KMT2C: variants seen among roughly 807,000 people sequenced by gnomAD.
KMT2C encodes the protein lysine methyltransferase 2C, also known as histone-lysine N-methyltransferase 2C.
Under a neutral mutation model 507.9 loss-of-function variants are expected in KMT2C, and 88 were observed. The observed-to-expected ratio is 0.17, with a 90% CI of 0.15 to 0.21. The LOEUF (loss-of-function observed/expected upper bound fraction) is 0.21. KMT2C is among the 10% of genes least tolerant of loss of function. KMT2C has a pLI of 1.00. For synonymous variants in KMT2C, 2,049 were observed against 2,080.8 expected, an observed-to-expected ratio of 0.98 and a Z score of 0.42; for missense variants, 4,954 against 5,957.8, an observed-to-expected ratio of 0.83 and a Z score of 5.55.
chr7:152,292,330 G>GCA lies in KMT2C; in HGVS notation c.849+17634_849+17635dup, dbSNP rs1276544601. 3.7e-3 allele frequency among the ~76,000 whole-genome samples: 547 copies of GCA among 149,530 alleles called. 2 individuals carry two copies. The highest frequency in any genetic ancestry group is 8.8e-3 in the African/African-American group (361 of 40,842). ...GATGCCAGGGCAATATGTGTGGCGC[G>GCA]CACACACACACACACATACTGACAA... is the stretch of plus-strand genomic sequence containing the variant. On this transcript the variant is annotated intron_variant, in intron 6 of 58. Transcript: ENST00000262189.
Position 152,435,685 on chromosome 7 carries a change from T to G in KMT2C, c.102A>C (p.Lys34Asn). The change falls in exon 1 of 59, where the codon AAA becomes AAC. Residue 34 changes from lysine to asparagine, a missense_variant. Around this residue, in one of 29 missense-constraint regions of KMT2C, gnomAD observed 5 missense variants for 22.4 expected, o/e 0.22. Coordinates refer to ENST00000262189, the MANE Select transcript of KMT2C (RefSeq NM_170606.3). Reference protein sequence around the residue: ...APAPSPAAADKRPRGRPRKDG... With the variant: ...APAPSPAAADNRPRGRPRKDG... ...CTTTGCGAGGCCGGCCCCGAGGTCT[T>G]TTGTCTGCGGCTGCGGGGCTCGGGG... 4 of 1,544,066 alleles carry G rather than the reference T, an allele frequency of 2.6e-6. No individual in the cohort carries two copies. Among genetic ancestry groups the G allele is most frequent in the Non-Finnish European group, 3.5e-6 (4 of 1,144,266 alleles).
intron 2 of KMT2C, among the ~76,000 whole-genome samples, chr7:152,352,379 G>A (rs538532389): frequency 2.6e-4 from 40 of 152,022 alleles, no homozygotes; most frequent in South Asian, 1.2e-3. Context: ...CTGTGATCTC[G>A]CCCTGCCTTC....
Position 152,265,213 on chromosome 7 carries a change from T to C in KMT2C, c.1013-4A>G. 8.1e-6 allele frequency: 13 copies of C among 1,613,230 alleles called. No homozygotes were observed. The highest frequency in any genetic ancestry group is 1.1e-5 in the Non-Finnish European group (13 of 1,179,352). ...GCACAGTTTGCATCTTCCTTCGCTATAATTAACAGTGAAACAATGAAATTG... is the reference window on the plus strand; with the variant it reads ...GCACAGTTTGCATCTTCCTTCGCTACAATTAACAGTGAAACAATGAAATTG... On this transcript the variant is annotated splice_polypyrimidine_tract_variant and splice_region_variant and intron_variant, in intron 7 of 58. Coordinates refer to ENST00000262189, the MANE Select transcript of KMT2C (RefSeq NM_170606.3).
At position 152,358,628 on chromosome 7, in the gene KMT2C, T is replaced by C; in HGVS notation, c.209A>G (p.Asp70Gly). ...TTCTGTTTCTGTTGTCTCCAGCCCATCCATGCTGTCCTCATCTTCCACTGC... is the reference window on the plus strand; with the variant it reads ...TTCTGTTTCTGTTGTCTCCAGCCCACCCATGCTGTCCTCATCTTCCACTGC... ...KTAVEDEDSM[D>G]GLETTETETI... Residue 70 changes from aspartate to glycine, a missense_variant, in exon 2 of 59, where the codon GAT becomes GGT. By Grantham distance (94) the Asp-to-Gly change is moderately conservative. Transcript: ENST00000262189. 1 of 1,611,762 alleles carries C rather than the reference T, an allele frequency of 6.2e-7. No homozygotes were observed. The highest frequency in any genetic ancestry group is 8.5e-7 in the Non-Finnish European group (1 of 1,178,786).
Position 152,251,949 on chromosome 7 carries a change from C to A in KMT2C, c.1611G>T (p.Glu537Asp). ...LQPGEEVEIA[E>D]LTTDYNNEME... ...CATTCTCAAATTTACCTGTAGTGAGCTCAGCTATCTCCACTTCCTCACCTG... is the reference window on the plus strand; with the variant it reads ...CATTCTCAAATTTACCTGTAGTGAGATCAGCTATCTCCACTTCCTCACCTG... The change falls in exon 11 of 59, where the codon GAG becomes GAT. Residue 537 changes from glutamate (E) to aspartate (D), a missense_variant. By Grantham distance (45) the Glu-to-Asp change is conservative. Around this residue, in one of 29 missense-constraint regions of KMT2C, gnomAD observed 376 missense variants for 352.4 expected, o/e 1.07. Coordinates refer to ENST00000262189, the MANE Select transcript of KMT2C (RefSeq NM_170606.3). The A allele has an allele frequency of 6.2e-7, 1 of 1,602,698 alleles. No individual in the cohort carries two copies. Among genetic ancestry groups the A allele is most frequent in the South Asian group, 1.1e-5 (1 of 87,938 alleles).
At chr7:152,388,409 A>T (rs1315583583) in intron 1 of KMT2C, among the ~76,000 whole-genome samples, 1 of 151,984 alleles carries the variant, frequency 6.6e-6, no homozygotes, top group Non-Finnish European at 1.5e-5. Context: ...AAATACAAAA[A>T]TTAGCCGGGC....
At chr7:152,259,242 T>G (rs191308588) in intron 9 of KMT2C, among the ~76,000 whole-genome samples, 1 of 152,120 alleles carries the variant, frequency 6.6e-6, no homozygotes, top group Admixed American at 6.6e-5. Flanking sequence ...ATGACATAAC[T>G]GGAATATGGC....
intron 6 of KMT2C, among the ~76,000 whole-genome samples, chr7:152,304,106 C>G (rs1339487242): frequency 6.6e-6 from 1 of 152,150 alleles, no homozygotes; most frequent in African/African-American, 2.4e-5. Context: ...TTACAAAATA[C>G]TGCAACCCCT....
At chr7:152,294,056 A>C in intron 6 of KMT2C, among the ~76,000 whole-genome samples, 1 of 151,282 alleles carries the variant, frequency 6.6e-6, no homozygotes, top group Admixed American at 6.6e-5. Flanking sequence ...TTTAGTGAAA[A>C]GACAGGGTCT....
rs551767419 is a variant in KMT2C at position 152,195,940 on chromosome 7, A to C, written c.4345T>G (p.Ser1449Ala). 1 of 1,608,118 alleles carries C rather than the reference A, an allele frequency of 6.2e-7. No homozygotes were observed. Among genetic ancestry groups the C allele is most frequent in the South Asian group, 1.1e-5 (1 of 90,538 alleles). ...TCAACTGATTTTGCTAGATCATCTG[A>C]AATTATTCCAAGAATGTCATCATCT... is the stretch of plus-strand genomic sequence containing the variant. ...NTDDDILGII[S>A]DDLAKSVDHS... is the part of the protein sequence containing the mutation. The change falls in exon 28 of 59, where the codon TCA becomes GCA. Residue 1449 changes from serine to alanine, a missense_variant. Coordinates refer to ENST00000262189, the MANE Select transcript of KMT2C (RefSeq NM_170606.3).
intron 46 of KMT2C, among the ~76,000 whole-genome samples, chr7:152,154,720 A>G (rs1470394889): frequency 6.6e-6 from 1 of 152,220 alleles, no homozygotes; most frequent in African/African-American, 2.4e-5. Context: ...TCTGATTAGC[A>G]TGTAACATAG....
intron 1 of KMT2C, among the ~76,000 whole-genome samples, chr7:152,400,725 G>A (rs1334451117): frequency 6.6e-6 from 1 of 152,170 alleles, no homozygotes. Context: ...TTATGTGGGT[G>A]TACTGCATTA....
chr7:152,361,558 C>T (rs1015636844), intron 1 of KMT2C, among the ~76,000 whole-genome samples: 2 of 150,714 alleles, frequency 1.3e-5, no homozygotes, highest in African/African-American at 4.9e-5. Flanking sequence ...AGAGAAACTC[C>T]GTCTCAAAAA....
In KMT2C at chr7:152,258,552, T is replaced by C. The variant is rs2095702444; in HGVS notation, c.1299+4464A>G. Among the ~76,000 whole-genome samples, 2 of 151,906 alleles carry C rather than the reference T, an allele frequency of 1.3e-5. 1 individual carries two copies. The highest frequency in any genetic ancestry group is 4.2e-4 in the South Asian group (2 of 4,812). ...TGTTGTTGTTGTTTTTGAGACAGAGTCTATCTCTGTCACCCAGGCTGGAGT... is the reference window on the plus strand; with the variant it reads ...TGTTGTTGTTGTTTTTGAGACAGAGCCTATCTCTGTCACCCAGGCTGGAGT... On this transcript the variant is annotated intron_variant, in intron 9 of 58. Coordinates refer to ENST00000262189, the MANE Select transcript of KMT2C (RefSeq NM_170606.3).
At chr7:152,368,353 C>G (rs1417421223) in intron 1 of KMT2C, 1 of 1,151,488 alleles carries the variant, frequency 8.7e-7, no homozygotes, top group Non-Finnish European at 1.3e-6. Context: ...GACTAAGAGC[C>G]CTCTGGCACA....
intron 10 of KMT2C, 45 bp from the exon 11 acceptor site, chr7:152,252,135 T>A: frequency 7.1e-7 from 1 of 1,409,692 alleles, no homozygotes; most frequent in Non-Finnish European, 9.7e-7. Flanking sequence ...AACATCGAGT[T>A]ATTATCTAGG....
intron 2 of KMT2C, among the ~76,000 whole-genome samples, chr7:152,348,918 A>G (rs889890195): frequency 1.3e-5 from 2 of 152,110 alleles, no homozygotes; most frequent in Non-Finnish European, 2.9e-5. Flanking sequence ...ACAAAACTAA[A>G]CATACTCTTG....
rs756513306 is a variant in KMT2C at position 152,199,366 on chromosome 7, T to C, written c.4186A>G (p.Lys1396Glu). 5 of 1,606,942 alleles carry C rather than the reference T, an allele frequency of 3.1e-6. No homozygotes were observed. The African/African-American group carries it at 6.7e-5, about 22-fold the overall frequency. The change falls in exon 27 of 59, where the codon AAA (lysine) becomes GAA (glutamate). Residue 1396 changes from lysine to glutamate, a missense_variant. This residue lies in a region of KMT2C where 140 missense variants were observed against 118.4 expected (regional missense o/e 1.18). Coordinates refer to ENST00000262189, the MANE Select transcript of KMT2C (RefSeq NM_170606.3). ...LSEDGAQLLY[K>E]TNMNTGFLDP... ...AAGAAACCTGTGTTCATGTTTGTTT[T>C]ATATAAAAGCTGAGCTCCATCTTCT...
chr7:152,176,423 T>G lies in KMT2C; in HGVS notation c.9030A>C (p.Ala3010=). Residue 3010 remains alanine, a synonymous_variant, in exon 38 of 59, where the codon GCA becomes GCC. Transcript: ENST00000262189. ...VNHSLGTGKP[A]TQTGPQTSQS... The stretch of plus-strand genomic sequence containing the variant: ...GACTTGTTTGAGGCCCAGTTTGAGT[T>G]GCAGGTTTTCCTGTCCCCAGACTGT... The G allele has an allele frequency of 1.2e-6, 2 of 1,614,206 alleles. No individual in the cohort carries two copies. Among genetic ancestry groups the G allele is most frequent in the Non-Finnish European group, 1.7e-6 (2 of 1,180,042 alleles).
Sources: gnomAD v4.1 joint callset for allele counts (sites outside exome capture counted in the v4.1 genomes callset) on GRCh38, gnomAD v4.1.1 for gene constraint, gnomAD v4.1.1 regional missense constraint, MANE v1.5 for transcripts, NCBI Gene and HGNC (gene_info 2026-07-23, HGNC 2026-07-21) for gene names.